The following CNIH3 variants were observed in gnomAD, a reference collection of about 807,000 sequenced individuals.
CNIH3 encodes cornichon family AMPA receptor auxiliary protein 3.
Under a neutral mutation model 24.1 loss-of-function variants are expected in CNIH3, and 14 were observed. The observed-to-expected ratio is 0.58, with a 90% CI of 0.38 to 0.91. The LOEUF (loss-of-function observed/expected upper bound fraction) is 0.91. CNIH3 is among the 40% of genes least tolerant of loss of function. CNIH3 has a pLI of 0.00. For synonymous variants in CNIH3, 68 were observed against 73.8 expected (o/e 0.92, Z 0.40); for missense variants, 178 against 196.8 (o/e 0.90, Z 0.57).
chr1:224,640,776 C>T (rs183811633), intron 1 of CNIH3, among the ~76,000 whole-genome samples: 3 of 152,294 alleles, frequency 2.0e-5, no homozygotes, highest in Non-Finnish European at 2.9e-5. Context: ...CAAGGGATCT[C>T]TGCCACCATC....
At chr1:224,514,335 A>T (rs187316433), upstream of CNIH3, among the ~76,000 whole-genome samples, 99 of 152,316 alleles carry the variant, frequency 6.5e-4, 1 homozygote, top group African/African-American at 2.3e-3. Flanking sequence ...GGCACTAGAT[A>T]AATATCATCT....
At chr1:224,472,945 A>G (rs1676426717) in intron 1 of CNIH3, among the ~76,000 whole-genome samples, 1 of 152,186 alleles carries the variant, frequency 6.6e-6, no homozygotes, top group South Asian at 2.1e-4. Context: ...AATTTTTCAT[A>G]AGAATTCAAG....
chr1:224,662,635 G>T (rs1288010093), intron 1 of CNIH3, among the ~76,000 whole-genome samples: 1 of 152,126 alleles, frequency 6.6e-6, no homozygotes, highest in Non-Finnish European at 1.5e-5. Context: ...ATTTACTTAA[G>T]TCACATGAAC....
chr1:224,672,509 A>G (rs1558277395), intron 1 of CNIH3, among the ~76,000 whole-genome samples: 1 of 152,216 alleles, frequency 6.6e-6, no homozygotes, highest in Admixed American at 6.5e-5. Context: ...TGTTCCCTCC[A>G]AATGCTCTAA....
chr1:224,475,024 G>A (rs545895312), intron 1 of CNIH3, among the ~76,000 whole-genome samples: 6 of 136,998 alleles, frequency 4.4e-5, no homozygotes, highest in Admixed American at 1.6e-4. Flanking sequence ...CAGCCTGAGC[G>A]ACAGAAGGAG....
At chr1:224,668,459 T>C (rs1685701990) in intron 1 of CNIH3, among the ~76,000 whole-genome samples, 1 of 152,234 alleles carries the variant, frequency 6.6e-6, no homozygotes, top group African/African-American at 2.4e-5. Context: ...CTCCAGCTGC[T>C]ACCACAGTGC....
rs2125059497 is a variant in CNIH3 at position 224,616,363 on chromosome 1, G to C, written c.-812G>C. On this transcript the variant is annotated 5_prime_UTR_variant, in exon 1 of 6. Coordinates refer to ENST00000272133, the MANE Select transcript of CNIH3 (RefSeq NM_152495.2). ...GCGGCGGCGGCAGCGGCAGCAGCAG[G>C]TGGAGCGAGCTACAGCGTTTGGCCT... 6.2e-6 allele frequency: 4 copies of C among 646,496 alleles called. No individual in the cohort carries two copies. Among genetic ancestry groups the C allele is most frequent in the South Asian group, 3.7e-5 (1 of 27,114 alleles). The allele number at this position is 646,496 out of a possible 1,614,324, so 40.0% of individuals were successfully genotyped here. A position where few individuals can be genotyped will look rare whatever the true frequency, so the allele number is the denominator to read the frequency against.
At chr1:224,486,847 G>A (rs187183540) in intron 1 of CNIH3, among the ~76,000 whole-genome samples, 36 of 152,314 alleles carry the variant, frequency 2.4e-4, no homozygotes, top group African/African-American at 8.2e-4. Context: ...CAGTACTAAC[G>A]CAATAAGTGA....
intron 4 of CNIH3, among the ~76,000 whole-genome samples, chr1:224,732,789 G>A (rs1461944316): frequency 6.6e-6 from 1 of 152,200 alleles, no homozygotes; most frequent in African/African-American, 2.4e-5. Flanking sequence ...AGGAAAAGGA[G>A]AGGCAGCCAG....
At chr1:224,690,800 A>G (rs6686604) in intron 3 of CNIH3, among the ~76,000 whole-genome samples, 76,804 of 151,994 alleles carry the variant, frequency 0.51, 19,844 homozygotes, top group East Asian at 0.66. Flanking sequence ...TGAGTGGGCC[A>G]TTGAGTTTAT....
chr1:224,608,122 G>C (rs1327773813), intron 3 of CNIH3, among the ~76,000 whole-genome samples: 2 of 152,146 alleles, frequency 1.3e-5, no homozygotes, highest in African/African-American at 4.8e-5. Context: ...GCAGGCTTCA[G>C]AGCAGGAGAG....
rs1572332684 is a variant in CNIH3 at position 224,480,212 on chromosome 1, G to A, written n.204-35529G>A. 2.0e-5 allele frequency among the ~76,000 whole-genome samples: 3 copies of A among 152,274 alleles called. No individual in the cohort carries two copies. The South Asian group carries it at 6.2e-4, about 32-fold the overall frequency. On this transcript the variant is annotated intron_variant and non_coding_transcript_variant, in intron 1 of 5. Transcript: ENST00000471578. ...AAGCAACAGCCTGAGCTGTACCTTA[G>A]CCCCTTTTAGTCACGGCTGAAGTGG...
chr1:224,606,061 G>A (rs970060895), intron 3 of CNIH3, among the ~76,000 whole-genome samples: 9 of 152,190 alleles, frequency 5.9e-5, no homozygotes, highest in Non-Finnish European at 2.9e-5. Flanking sequence ...TGGGTGCTGG[G>A]GCCGGGATGA....
intron 4 of CNIH3, among the ~76,000 whole-genome samples, chr1:224,733,810 T>C (rs576589618): frequency 6.6e-6 from 1 of 152,154 alleles, no homozygotes; most frequent in African/African-American, 2.4e-5. Flanking sequence ...GCCAGGTCCC[T>C]GGGGGCAGTG....
At chr1:224,625,754 AAG>A (rs1208575210) in intron 1 of CNIH3, among the ~76,000 whole-genome samples, 1 of 152,296 alleles carries the variant, frequency 6.6e-6, no homozygotes, top group East Asian at 1.9e-4. Flanking sequence ...ACAGACACCA[AAG>A]AAGACGAGCT....
Position 224,684,698 on chromosome 1 carries a change from T to A in CNIH3, c.151-98T>A. On this transcript the variant is annotated intron_variant, in intron 2 of 5. Coordinates refer to ENST00000272133, the MANE Select transcript of CNIH3 (RefSeq NM_152495.2). The surrounding 1 kb of genome is among the most constrained non-coding windows in gnomAD (Gnocchi z 4.2). ...TGCCCAGGAGGGGTCTCTGGTGGCT[T>A]CTGCCTCCACTATTGGGGCTGATTG... 1 of 1,094,714 alleles carries A rather than the reference T, an allele frequency of 9.1e-7. No individual in the cohort carries two copies. The highest frequency in any genetic ancestry group is 1.4e-6 in the Non-Finnish European group (1 of 709,646). The allele number at this position is 1,094,714 out of a possible 1,614,324, so 67.8% of individuals were successfully genotyped here.
chr1:224,715,729 T>C (rs889330117), intron 3 of CNIH3, among the ~76,000 whole-genome samples: 3 of 152,056 alleles, frequency 2.0e-5, no homozygotes, highest in African/African-American at 7.2e-5. Context: ...CCAGGCTCTT[T>C]ATAATAACCA....
In CNIH3 at chr1:224,438,183, C is replaced by T. The variant is rs181625444; in HGVS notation, n.203+3321C>T. The stretch of plus-strand genomic sequence containing the variant: ...TCGTGATCTGCCCACCTCAGCCTCC[C>T]AAAATGCTGGGATTACAGGTGTGAG... On this transcript the variant is annotated intron_variant and non_coding_transcript_variant, in intron 1 of 5. Transcript: ENST00000471578. Among the ~76,000 whole-genome samples, 6 of 151,836 alleles carry T rather than the reference C, an allele frequency of 4.0e-5. No individual in the cohort carries two copies. The East Asian group carries it at 1.2e-3, about 29-fold the overall frequency.
intron 3 of CNIH3, among the ~76,000 whole-genome samples, chr1:224,686,055 G>T (rs965612997): frequency 2.0e-5 from 3 of 151,232 alleles, no homozygotes; most frequent in Non-Finnish European, 2.9e-5. Context: ...TGTACACAAC[G>T]TGCAGGTTTG....
Sources: gnomAD v4.1 joint callset for allele counts (sites outside exome capture counted in the v4.1 genomes callset) on GRCh38, gnomAD v4.1.1 for gene constraint, Gnocchi (gnomAD v3.1) non-coding constraint, MANE v1.5 for transcripts, NCBI Gene and HGNC (gene_info 2026-07-23, HGNC 2026-07-21) for gene names.